EFL1: variants seen among roughly 807,000 people sequenced by gnomAD.
EFL1 encodes elongation factor-like GTPase 1.
EFL1 carries 76 observed loss-of-function variants against 126.7 expected under a neutral mutation model. The ratio of observed to expected loss-of-function variants is 0.60; its 90% CI spans 0.50 to 0.73. The LOEUF is 0.73. Among genes scored for constraint, EFL1 ranks in the 30% least tolerant of loss-of-function variants. The pLI is 0.00. For missense variants in EFL1, 1,128 were observed against 1,343.2 expected (o/e 0.84, Z 2.50); for synonymous variants, 410 against 448.4 (o/e 0.91, Z 1.08).
chr15:82,225,123 C>T, intron 12 of EFL1, 42 bp downstream of exon 12: 2 of 1,485,370 alleles, frequency 1.3e-6, no homozygotes, highest in Non-Finnish European at 1.9e-6. Flanking sequence ...ACCAAACATA[C>T]ACCATATTCC....
At chr15:82,184,809 T>C (rs1258773242) in intron 15 of EFL1, among the ~76,000 whole-genome samples, 2 of 152,180 alleles carry the variant, frequency 1.3e-5, no homozygotes, top group Non-Finnish European at 2.9e-5. Flanking sequence ...TAAGGGATTA[T>C]TGGATGAAAT....
chr15:82,188,501 T>A (rs2074324928), intron 15 of EFL1, among the ~76,000 whole-genome samples: 1 of 152,188 alleles, frequency 6.6e-6, no homozygotes, highest in Admixed American at 6.5e-5. Flanking sequence ...TAAATCTATC[T>A]GTCTCTACCT....
At chr15:82,247,317 T>C (rs1426019555) in intron 4 of EFL1, among the ~76,000 whole-genome samples, 2 of 152,030 alleles carry the variant, frequency 1.3e-5, no homozygotes, top group Admixed American at 1.3e-4. Flanking sequence ...GCAGAATCAA[T>C]GTTGTTGAGA....
chr15:82,205,725 T>G (rs2074517586), intron 15 of EFL1, among the ~76,000 whole-genome samples: 1 of 152,252 alleles, frequency 6.6e-6, no homozygotes. Context: ...AAAAGAGGAA[T>G]ATACTCTTTG....
At chr15:82,240,681 A>C in intron 5 of EFL1, 126 bp from the exon 6 acceptor site, 1 of 1,079,096 alleles carries the variant, frequency 9.3e-7, no homozygotes, top group Non-Finnish European at 1.3e-6. Flanking sequence ...AGGCATTCAC[A>C]AACTATGTAT....
chr15:82,235,861 G>C (rs1342966536), intron 7 of EFL1, among the ~76,000 whole-genome samples: 5 of 152,010 alleles, frequency 3.3e-5, no homozygotes, highest in African/African-American at 1.2e-4. Flanking sequence ...ATCAGCAAAA[G>C]AGAAAACAGC....
In EFL1 at chr15:82,195,361, C is replaced by A. The variant is rs1337599970; in HGVS notation, c.1750+19356G>T. Among the ~76,000 whole-genome samples the A allele has an allele frequency of 1.2e-4, 19 of 152,244 alleles. No homozygotes were observed. In the East Asian group the frequency reaches 1.5e-3, roughly 12 times the overall value. On this transcript the variant is annotated intron_variant, in intron 15 of 19. Transcript: ENST00000268206. Reference sequence around the variant, plus strand: ...AGAGCTGTGTTTTCAGGCTGTAAACCGTGCTAGTGTATCTCATGTCTGGGC... The same window carrying A: ...AGAGCTGTGTTTTCAGGCTGTAAACAGTGCTAGTGTATCTCATGTCTGGGC...
At chr15:82,225,677 AAT>A (rs1359868565) in intron 11 of EFL1, among the ~76,000 whole-genome samples, 1 of 152,244 alleles carries the variant, frequency 6.6e-6, no homozygotes. Flanking sequence ...CATAAAAATC[AAT>A]AGCTTTCCCA....
chr15:82,157,903 T>C, intron 16 of EFL1, 43 bp from the exon 17 acceptor site: 1 of 1,568,586 alleles, frequency 6.4e-7, no homozygotes, highest in East Asian at 2.3e-5. Flanking sequence ...ATATAAGAAC[T>C]AACACAATTC....
At chr15:82,141,359 C>T (rs1301775928) in intron 18 of EFL1, among the ~76,000 whole-genome samples, 1 of 152,114 alleles carries the variant, frequency 6.6e-6, no homozygotes, top group African/African-American at 2.4e-5. Flanking sequence ...CTTTACTCCC[C>T]TATCTCATTC....
intron 15 of EFL1, among the ~76,000 whole-genome samples, chr15:82,210,890 G>A (rs1273643074): frequency 5.3e-5 from 8 of 149,744 alleles, no homozygotes; most frequent in Middle Eastern, 3.4e-3. Context: ...TAGACACCAC[G>A]TGGAAGAGAC....
At chr15:82,198,471 G>A (rs1291040631) in intron 15 of EFL1, among the ~76,000 whole-genome samples, 1 of 152,154 alleles carries the variant, frequency 6.6e-6, no homozygotes, top group Non-Finnish European at 1.5e-5. Context: ...AAAAACTCCT[G>A]CTTATGAGAA....
At chr15:82,133,001 A>G (rs2073675473) in intron 19 of EFL1, among the ~76,000 whole-genome samples, 1 of 151,996 alleles carries the variant, frequency 6.6e-6, no homozygotes, top group South Asian at 2.1e-4. Flanking sequence ...GAAGGGAGGG[A>G]AAGTGGTTGC....
chr15:82,176,310 T>A (rs1326072215), intron 15 of EFL1, among the ~76,000 whole-genome samples: 2 of 152,130 alleles, frequency 1.3e-5, no homozygotes, highest in African/African-American at 4.8e-5. Flanking sequence ...ACAAAAAGCG[T>A]TAGTCGTAAA....
chr15:82,132,692 G>T (rs1365570242), intron 19 of EFL1, among the ~76,000 whole-genome samples: 4 of 113,494 alleles, frequency 3.5e-5, no homozygotes, highest in African/African-American at 6.6e-5. Flanking sequence ...GGGGGGGGGG[G>T]GGGGTAGGCA....
chr15:82,200,509 G>T (rs2074456162), intron 15 of EFL1, among the ~76,000 whole-genome samples: 1 of 152,090 alleles, frequency 6.6e-6, no homozygotes, highest in African/African-American at 2.4e-5. Flanking sequence ...CCTGTTGACT[G>T]GACCATGGCA....
intron 15 of EFL1, among the ~76,000 whole-genome samples, chr15:82,167,214 T>C (rs1486112854): frequency 1.3e-5 from 2 of 152,210 alleles, no homozygotes; most frequent in African/African-American, 4.8e-5. Context: ...CTAGTTTTTA[T>C]AGAAACACCA....
chr15:82,198,931 C>T (rs1411762880), intron 15 of EFL1, among the ~76,000 whole-genome samples: 1 of 152,018 alleles, frequency 6.6e-6, no homozygotes, highest in Non-Finnish European at 1.5e-5. Flanking sequence ...TAGAACCAAA[C>T]ATATAGTAAG....
At chr15:82,262,037 T>C in intron 1 of EFL1, 2 of 379,870 alleles carry the variant, frequency 5.3e-6, no homozygotes, top group South Asian at 4.4e-5. Context: ...AAGGCTGCGA[T>C]GAATCACGCA....
Sources: gnomAD v4.1 joint callset for allele counts (sites outside exome capture counted in the v4.1 genomes callset) on GRCh38, gnomAD v4.1.1 for gene constraint, MANE v1.5 for transcripts, NCBI Gene and HGNC (gene_info 2026-07-23, HGNC 2026-07-21) for gene names.